Variants in DNAH5 observed in about 807,000 individuals in gnomAD.
DNAH5 encodes the protein axonemal beta dynein heavy chain 5.
DNAH5 carries 372 observed loss-of-function variants against 518.2 expected under a neutral mutation model. That is an observed-to-expected ratio of 0.72 (90% CI 0.66 to 0.78). The LOEUF (loss-of-function observed/expected upper bound fraction) is 0.78. DNAH5 is among the 30% of genes least tolerant of loss of function. The pLI, the probability that DNAH5 is intolerant of heterozygous loss-of-function variation, is 0.00. For missense variants in DNAH5, 5,523 were observed against 5,687.0 expected, an observed-to-expected ratio of 0.97 and a Z score of 0.93; for synonymous variants, 2,039 against 2,025.9, an observed-to-expected ratio of 1.01 and a Z score of -0.17.
At chr5:13,818,591 T>G (rs1296123414) in intron 41 of DNAH5, among the ~76,000 whole-genome samples, 1 of 152,248 alleles carries the variant, frequency 6.6e-6, no homozygotes, top group Non-Finnish European at 1.5e-5. Context: ...TCGGATGAAG[T>G]AGCACCTGGT....
Position 13,727,617 on chromosome 5 carries a change from T to C in DNAH5, c.11923A>G (p.Lys3975Glu). The stretch of plus-strand genomic sequence containing the variant: ...AGAGGTTCCTCCTCCGGGTTTTCCT[T>C]ATCAAACCAAATTTTCCACATTTTC... ...NEKMWKIWFD[K>E]ENPEEEPLPN... The change falls in exon 70 of 79, where the codon AAG becomes GAG. Residue 3975 changes from lysine (K) to glutamate (E), a missense_variant. Transcript: ENST00000265104. The C allele has an allele frequency of 2.5e-6, 4 of 1,613,920 alleles. No individual in the cohort carries two copies. Among genetic ancestry groups the C allele is most frequent in the South Asian group, 2.2e-5 (2 of 91,078 alleles).
At chr5:13,959,633 C>T (rs1291972895) in intron 1 of DNAH5, among the ~76,000 whole-genome samples, 1 of 152,174 alleles carries the variant, frequency 6.6e-6, no homozygotes, top group Non-Finnish European at 1.5e-5. Context: ...CTCTTCATTC[C>T]TTACCCCAAG....
intron 69 of DNAH5, among the ~76,000 whole-genome samples, 199 bp downstream of exon 69, chr5:13,729,240 C>A (rs1746170478): frequency 6.6e-6 from 1 of 152,162 alleles, no homozygotes; most frequent in Non-Finnish European, 1.5e-5. Flanking sequence ...CACATTTCTA[C>A]CTGCAAGATC....
At chr5:13,735,350 T>C (rs749804809) in intron 67 of DNAH5, 29 bp from the exon 68 acceptor site, 11 of 1,597,614 alleles carry the variant, frequency 6.9e-6, no homozygotes, top group Middle Eastern at 1.7e-4. Context: ...AAATCAGGCT[T>C]ATCCCACTGC....
At chr5:13,779,582 T>C (rs747005665) in intron 53 of DNAH5, among the ~76,000 whole-genome samples, 1 of 152,236 alleles carries the variant, frequency 6.6e-6, no homozygotes, top group Non-Finnish European at 1.5e-5. Context: ...TCTAACCTTA[T>C]CTTGGTTAAT....
At chr5:13,947,257 A>G (rs1439133621), upstream of DNAH5, among the ~76,000 whole-genome samples, 4 of 152,202 alleles carry the variant, frequency 2.6e-5, no homozygotes, top group Non-Finnish European at 4.4e-5. Flanking sequence ...CAAAGTGTAA[A>G]ATTTTCTAAA....
At chr5:13,793,853 C>G in intron 48 of DNAH5, 83 bp downstream of exon 48, 1 of 1,557,222 alleles carries the variant, frequency 6.4e-7, no homozygotes, top group African/African-American at 1.4e-5. Context: ...AAAGTAAAAA[C>G]TTAAAAAAAA....
intron 1 of DNAH5, among the ~76,000 whole-genome samples, chr5:13,983,505 T>A (rs946135885): frequency 2.0e-5 from 3 of 152,150 alleles, no homozygotes; most frequent in Admixed American, 2.0e-4. Flanking sequence ...ACACATTCCA[T>A]CAGCATCAGT....
At chr5:13,914,756 G>A in intron 9 of DNAH5, 114 bp from the exon 10 acceptor site, 1 of 1,084,214 alleles carries the variant, frequency 9.2e-7, no homozygotes, top group Non-Finnish European at 1.4e-6. Flanking sequence ...TCTAACTTGA[G>A]CTTGGGTTTA....
intron 1 of DNAH5, among the ~76,000 whole-genome samples, chr5:13,983,778 A>C (rs937536335): frequency 3.9e-5 from 6 of 152,216 alleles, no homozygotes; most frequent in Non-Finnish European, 8.8e-5. Context: ...TGGCATCTAC[A>C]AGGCAATCAG....
intron 9 of DNAH5, among the ~76,000 whole-genome samples, chr5:13,915,547 G>T (rs1324226623): frequency 6.6e-6 from 1 of 152,012 alleles, no homozygotes; most frequent in African/African-American, 2.4e-5. Context: ...AGTTGGGAGG[G>T]AATCTTGCAG....
At chr5:13,791,092 C>A (rs1233460376) in intron 50 of DNAH5, among the ~76,000 whole-genome samples, 6 of 151,462 alleles carry the variant, frequency 4.0e-5, no homozygotes, top group Non-Finnish European at 8.9e-5. Context: ...AATAAATCAA[C>A]AAATAATTTT....
chr5:13,877,159 GA>G (rs574887857), intron 21 of DNAH5, among the ~76,000 whole-genome samples: 2 of 152,076 alleles, frequency 1.3e-5, no homozygotes, highest in East Asian at 1.9e-4. Flanking sequence ...ATAACTGGAG[GA>G]AAAAAACCTA....
intron 4 of DNAH5, among the ~76,000 whole-genome samples, chr5:13,922,762 CT>C (rs1777453222): frequency 6.6e-6 from 1 of 150,902 alleles, no homozygotes; most frequent in Non-Finnish European, 1.5e-5. Flanking sequence ...GTTTGACAAC[CT>C]GGTTAAGAAA....
intron 43 of DNAH5, among the ~76,000 whole-genome samples, chr5:13,813,711 T>A (rs1761033617): frequency 6.6e-6 from 1 of 152,164 alleles, no homozygotes; most frequent in African/African-American, 2.4e-5. Context: ...ATTCCCTCCT[T>A]CTTCCCATCT....
chr5:13,939,334 T>A (rs992551071), intron 1 of DNAH5, among the ~76,000 whole-genome samples: 1 of 152,212 alleles, frequency 6.6e-6, no homozygotes, highest in Non-Finnish European at 1.5e-5. Context: ...CATGCTGTTG[T>A]GCCTGGAACA....
intron 3 of DNAH5, among the ~76,000 whole-genome samples, chr5:13,926,659 G>C (rs149055288): frequency 6.6e-6 from 1 of 150,860 alleles, no homozygotes; most frequent in African/African-American, 2.4e-5. Context: ...ATCCAGGAAA[G>C]TCACAGGATT....
At chr5:13,745,453 G>T (rs1471083631) in intron 65 of DNAH5, among the ~76,000 whole-genome samples, 1 of 151,994 alleles carries the variant, frequency 6.6e-6, no homozygotes, top group African/African-American at 2.4e-5. Context: ...GCATCCATAC[G>T]CTCTAAGGTT....
chr5:13,713,434 CATATATATATATATATAT>C (rs200836910), intron 75 of DNAH5, among the ~76,000 whole-genome samples: 4 of 70,658 alleles, frequency 5.7e-5, no homozygotes, highest in African/African-American at 1.2e-4. Context: ...TATACATCGA[CATATATATATATATATAT>C]ATATATATAT....
Sources: allele counts gnomAD v4.1 joint callset (sites outside exome capture counted in the v4.1 genomes callset), GRCh38; gene constraint gnomAD v4.1.1; transcripts MANE v1.5; gene names NCBI Gene and HGNC (gene_info 2026-07-23, HGNC 2026-07-21).